Variants in SDK1 observed in about 807,000 individuals in gnomAD.
The protein encoded by SDK1 is protein sidekick-1.
SDK1 carries 157 observed loss-of-function variants against 245.5 expected under a neutral mutation model. That is an observed-to-expected ratio of 0.64 (90% confidence interval 0.56 to 0.73). SDK1 has a LOEUF of 0.73. SDK1 is among the 30% of genes least tolerant of loss of function. The pLI is 0.00. For missense variants in SDK1, 3,583 were observed against 3,002.3 expected, an observed-to-expected ratio of 1.19 and a Z score of -4.52; for synonymous variants, 1,647 against 1,278.5, an observed-to-expected ratio of 1.29 and a Z score of -6.15.
chr7:3,589,233 T>A (rs1474439703), intron 1 of SDK1, among the ~76,000 whole-genome samples: 1 of 152,182 alleles, frequency 6.6e-6, no homozygotes, highest in African/African-American at 2.4e-5. Context: ...GACTCTTTGA[T>A]GTCAGTACTG....
At chr7:3,630,958 C>T (rs1182381925) in intron 2 of SDK1, among the ~76,000 whole-genome samples, 1 of 151,934 alleles carries the variant, frequency 6.6e-6, no homozygotes, top group Non-Finnish European at 1.5e-5. Context: ...TTTTTGGAGA[C>T]AGGGTGTCAC....
At chr7:3,400,562 G>C (rs372300068) in intron 1 of SDK1, among the ~76,000 whole-genome samples, 4 of 152,250 alleles carry the variant, frequency 2.6e-5, no homozygotes, top group South Asian at 4.1e-4. Context: ...CACAGTATTT[G>C]TATTACACAA....
intron 4 of SDK1, among the ~76,000 whole-genome samples, chr7:3,683,841 A>G (rs1043032226): frequency 3.3e-5 from 5 of 152,202 alleles, no homozygotes; most frequent in Admixed American, 1.3e-4. Context: ...CACAGACACA[A>G]AATGCTCCAA....
At chr7:3,829,397 A>G (rs764890211) in intron 5 of SDK1, among the ~76,000 whole-genome samples, 15 of 152,184 alleles carry the variant, frequency 9.9e-5, no homozygotes, top group Non-Finnish European at 1.6e-4. Flanking sequence ...CCTGACAGAT[A>G]TCGTCACGTA....
At chr7:3,491,312 C>T (rs552429244) in intron 1 of SDK1, among the ~76,000 whole-genome samples, 1 of 152,200 alleles carries the variant, frequency 6.6e-6, no homozygotes, top group South Asian at 2.1e-4. Context: ...AATACTCAGA[C>T]TTTCTTCTCC....
intron 5 of SDK1, among the ~76,000 whole-genome samples, chr7:3,879,355 T>G (rs1781150733): frequency 6.6e-6 from 1 of 152,010 alleles, no homozygotes; most frequent in Non-Finnish European, 1.5e-5. Context: ...TAGATGAAGG[T>G]GGAGGCAAAC....
chr7:3,878,819 C>T (rs1781136067), intron 5 of SDK1, among the ~76,000 whole-genome samples: 1 of 152,104 alleles, frequency 6.6e-6, no homozygotes, highest in Non-Finnish European at 1.5e-5. Flanking sequence ...AATATCAGGG[C>T]AGCCCTGTGA....
At chr7:3,658,644 G>A (rs983237815) in intron 4 of SDK1, among the ~76,000 whole-genome samples, 1 of 125,988 alleles carries the variant, frequency 7.9e-6, no homozygotes, top group African/African-American at 3.1e-5. Flanking sequence ...CAGACTCACA[G>A]TCTGTCATCC....
chr7:3,941,223 C>T (rs1780356882), intron 5 of SDK1, among the ~76,000 whole-genome samples: 2 of 152,172 alleles, frequency 1.3e-5, no homozygotes, highest in Admixed American at 1.3e-4. Context: ...CTTTCTTCCT[C>T]CTCTTAGCAA....
intron 21 of SDK1, among the ~76,000 whole-genome samples, chr7:4,078,319 G>A (rs773018221): frequency 3.9e-5 from 6 of 152,216 alleles, no homozygotes; most frequent in Non-Finnish European, 5.9e-5. Context: ...CGTGCTTGAA[G>A]TTTATCGCCA....
At chr7:3,312,292 A>G (rs7782339) in intron 1 of SDK1, among the ~76,000 whole-genome samples, 23,331 of 152,202 alleles carry the variant, frequency 0.15, 2,800 homozygotes, top group African/African-American at 0.33. Context: ...TAAAAATCTA[A>G]GACTCTTGCA....
At chr7:3,960,631 C>G (rs1781601141) in intron 8 of SDK1, among the ~76,000 whole-genome samples, 1 of 152,210 alleles carries the variant, frequency 6.6e-6, no homozygotes, top group Non-Finnish European at 1.5e-5. Flanking sequence ...TGGCCCGGGA[C>G]TTGGTTCAGT....
Position 4,127,262 on chromosome 7 carries a change from A to C in SDK1, c.3824-119A>C, listed in dbSNP as rs1189898563. ...CCTGTAGGTTTAATCTGATCACTAC[A>C]AAATGCTTAGAATACGTTGCTATTT... On this transcript the variant is annotated intron_variant, in intron 25 of 44. Transcript: ENST00000404826. The C allele has an allele frequency of 6.5e-6, 5 of 763,508 alleles. No individual in the cohort carries two copies. The African/African-American group carries it at 6.8e-5, about 10-fold the overall frequency. The allele number at this position is 763,508 out of a possible 1,614,324, so 47.3% of individuals were successfully genotyped here.
At chr7:3,871,979 TC>T (rs1240066710) in intron 5 of SDK1, among the ~76,000 whole-genome samples, 1 of 152,252 alleles carries the variant, frequency 6.6e-6, no homozygotes, top group African/African-American at 2.4e-5. Flanking sequence ...GAAGTTCCCT[TC>T]AATTTCTCAT....
At chr7:3,521,468 T>C (rs1782937922) in intron 1 of SDK1, among the ~76,000 whole-genome samples, 1 of 152,172 alleles carries the variant, frequency 6.6e-6, no homozygotes. Flanking sequence ...AGCACTACAG[T>C]GGATACCCAG....
intron 28 of SDK1, among the ~76,000 whole-genome samples, chr7:4,144,132 G>A (rs1398285639): frequency 6.6e-6 from 1 of 151,708 alleles, no homozygotes; most frequent in Non-Finnish European, 1.5e-5. Context: ...TGGGGGAAGG[G>A]GAGGCGTGGG....
At chr7:3,653,651 C>G (rs1220745181) in intron 4 of SDK1, among the ~76,000 whole-genome samples, 1 of 152,132 alleles carries the variant, frequency 6.6e-6, no homozygotes, top group African/African-American at 2.4e-5. Flanking sequence ...TAAACGCATC[C>G]CAATCACATG....
At position 4,241,763 on chromosome 7, in the gene SDK1, G is replaced by A. The variant is rs369817574; in HGVS notation, c.6131-30G>A. On this transcript the variant is annotated intron_variant, in intron 42 of 44. Transcript: ENST00000404826. ...GCTGCGGTGGCCACACCAGTAACACGTCTGTTCTCACTCTCCTGCTGGGCT... is the reference window on the plus strand; with the variant it reads ...GCTGCGGTGGCCACACCAGTAACACATCTGTTCTCACTCTCCTGCTGGGCT... The A allele has an allele frequency of 2.0e-4, 325 of 1,613,548 alleles. 5 individuals are homozygous for A. The Middle Eastern group carries it at 3.0e-3, about 15-fold the overall frequency.
chr7:3,965,685 G>A (rs540819494), intron 9 of SDK1, among the ~76,000 whole-genome samples: 1 of 152,148 alleles, frequency 6.6e-6, no homozygotes, highest in African/African-American at 2.4e-5. Flanking sequence ...CTGCAGGGAG[G>A]AGAAAGGCAG....
Sources: gnomAD v4.1 joint callset for allele counts (sites outside exome capture counted in the v4.1 genomes callset) on GRCh38, gnomAD v4.1.1 for gene constraint, MANE v1.5 for transcripts, NCBI Gene and HGNC (gene_info 2026-07-23, HGNC 2026-07-21) for gene names.